The following LRP1 variants were observed in gnomAD, a reference collection of about 807,000 sequenced individuals.
LRP1 encodes the protein prolow-density lipoprotein receptor-related protein 1.
Under a neutral mutation model 541.5 loss-of-function variants are expected in LRP1, and 51 were observed. That is an observed-to-expected ratio of 0.09 (90% CI 0.08 to 0.12). LRP1 has a LOEUF of 0.12. Ranked by LOEUF, LRP1 falls within the 10% of genes least tolerant of loss-of-function variation. The probability of loss-of-function intolerance (pLI) is 1.00; values close to 1 mark genes in which losing one functional copy is unlikely to be tolerated. For synonymous variants in LRP1, 2,219 were observed against 2,470.8 expected, an observed-to-expected ratio of 0.90 and a Z score of 3.02; for missense variants, 3,878 against 6,376.2, an observed-to-expected ratio of 0.61 and a Z score of 13.34.
Position 57,212,209 on chromosome 12 carries a change from CTGA to C in LRP1, c.13448_13450del (p.Asp4483del). 1 of 1,613,962 alleles carries C rather than the reference CTGA, an allele frequency of 6.2e-7. No homozygotes were observed. Among genetic ancestry groups the C allele is most frequent in the Non-Finnish European group, 8.5e-7 (1 of 1,180,018 alleles). On this transcript the variant is annotated inframe_deletion, in exon 88 of 89. Coordinates refer to ENST00000243077, the MANE Select transcript of LRP1 (RefSeq NM_002332.3). This position sits in a 1 kb window ranked among gnomAD's most constrained non-coding sequence, Gnocchi z 5.0. ...TACAAGATGTACGAAGGCGGAGAGC[CTGA>C]TGATGTGGGAGGCCTACTGGACGCT...
Position 57,154,798 on chromosome 12 carries a change from T to A in LRP1, c.1227+97T>A. The A allele has an allele frequency of 8.6e-7, 1 of 1,162,510 alleles. No individual in the cohort carries two copies. Among genetic ancestry groups the A allele is most frequent in the Middle Eastern group, 1.9e-4 (1 of 5,226 alleles). The allele number at this position is 1,162,510 out of a possible 1,614,324, so 72.0% of individuals were successfully genotyped here. A position where few individuals can be genotyped will look rare whatever the true frequency, so the allele number is the denominator to read the frequency against. On this transcript the variant is annotated intron_variant, in intron 8 of 88. Coordinates refer to ENST00000243077, the MANE Select transcript of LRP1 (RefSeq NM_002332.3). This position sits in a 1 kb window ranked among gnomAD's most constrained non-coding sequence, Gnocchi z 4.6. ...CTGTAGGGGAACCGTTCTCTGAGTC[T>A]CCTGGTAAAGAGCGTGGATGCCCCA... is the stretch of plus-strand genomic sequence containing the variant.
rs2035623367 is a variant in LRP1 at position 57,156,510 on chromosome 12, T to C, written c.1417+227T>C. ...TCCAGATCCCACTCTGTCCCTCCCA[T>C]TCCCCTTGCCAGTCTGGAGCAGTAG... On this transcript the variant is annotated intron_variant, in intron 9 of 88. Coordinates refer to ENST00000243077, the MANE Select transcript of LRP1 (RefSeq NM_002332.3). The surrounding 1 kb of genome is among the most constrained non-coding windows in gnomAD (Gnocchi z 5.2). Among the ~76,000 whole-genome samples the C allele has an allele frequency of 6.6e-6, 1 of 152,164 alleles. No homozygotes were observed. Among genetic ancestry groups the C allele is most frequent in the South Asian group, 2.1e-4 (1 of 4,824 alleles).
At chr12:57,163,678 T>C (rs1019154274) in intron 15 of LRP1, among the ~76,000 whole-genome samples, 2 of 152,126 alleles carry the variant, frequency 1.3e-5, no homozygotes, top group African/African-American at 4.8e-5. Context: ...CACCATATAT[T>C]GTTAGCATTG....
Position 57,167,057 on chromosome 12 carries a change from T to G in LRP1, c.2914+11T>G. 1 of 1,608,040 alleles carries G rather than the reference T, an allele frequency of 6.2e-7. No individual in the cohort carries two copies. Among genetic ancestry groups the G allele is most frequent in the African/African-American group, 1.3e-5 (1 of 74,810 alleles). On this transcript the variant is annotated intron_variant, in intron 18 of 88. Coordinates refer to ENST00000243077, the MANE Select transcript of LRP1 (RefSeq NM_002332.3). ...AGTCTGCTTCGTGTGGTAAGAGGGA[T>G]GGGCAGAGGGAGTCAGGCTGGGCCT...
Position 57,154,604 on chromosome 12 carries a change from T to G in LRP1, c.1130T>G (p.Val377Gly), listed in dbSNP as rs2136674614. The G allele has an allele frequency of 6.2e-7, 1 of 1,611,908 alleles. No homozygotes were observed. The highest frequency in any genetic ancestry group is 8.5e-7 in the Non-Finnish European group (1 of 1,178,934). ...VFPHGITLDLVSRLVYWADAY... is the reference protein window; with the variant it reads ...VFPHGITLDLGSRLVYWADAY... The stretch of plus-strand genomic sequence containing the variant: ...CCTCATGGCATCACGCTGGACCTGG[T>G]CAGCCGCCTTGTCTACTGGGCAGAT... The change falls in exon 8 of 89, where the codon GTC becomes GGC. Residue 377 changes from valine (V) to glycine (G), a missense_variant. By Grantham distance (109) the Val-to-Gly change is moderately radical (BLOSUM62 -3). Coordinates refer to ENST00000243077, the MANE Select transcript of LRP1 (RefSeq NM_002332.3). The surrounding 1 kb of genome is among the most constrained non-coding windows in gnomAD (Gnocchi z 4.6).
Position 57,156,062 on chromosome 12 carries a change from T to A in LRP1, c.1228-32T>A. On this transcript the variant is annotated intron_variant, in intron 8 of 88. Coordinates refer to ENST00000243077, the MANE Select transcript of LRP1 (RefSeq NM_002332.3). This position sits in a 1 kb window ranked among gnomAD's most constrained non-coding sequence, Gnocchi z 5.2. Reference sequence around the variant, plus strand: ...GACAGAGGGAGGAACCCCTGTCATCTCATGCTGTCCATTCTTGCCTGCCCG... The same window carrying A: ...GACAGAGGGAGGAACCCCTGTCATCACATGCTGTCCATTCTTGCCTGCCCG... 1 of 1,595,046 alleles carries A rather than the reference T, an allele frequency of 6.3e-7. No homozygotes were observed. The highest frequency in any genetic ancestry group is 2.2e-5 in the East Asian group (1 of 44,646).
chr12:57,201,649 C>T lies in LRP1; in HGVS notation c.10468+30C>T. 2 of 1,604,932 alleles carry T rather than the reference C, an allele frequency of 1.2e-6. No individual in the cohort carries two copies. Among genetic ancestry groups the T allele is most frequent in the Non-Finnish European group, 1.7e-6 (2 of 1,173,308 alleles). On this transcript the variant is annotated intron_variant, in intron 66 of 88. Coordinates refer to ENST00000243077, the MANE Select transcript of LRP1 (RefSeq NM_002332.3). This position sits in a 1 kb window ranked among gnomAD's most constrained non-coding sequence, Gnocchi z 6.4. ...GTTGCCTGGCCTGGAGCCCAGCTTC[C>T]CTCCCCAGTGTCTGCTGCTCACACC...
rs543019291 is a variant in LRP1, at chr12:57,185,559, C to T, written c.6492C>T (p.Gly2164=). 3.0e-5 allele frequency: 48 copies of T among 1,589,154 alleles called. No homozygotes were observed. The highest frequency in any genetic ancestry group is 2.5e-4 in the Admixed American group (15 of 59,278). The change falls in exon 41 of 89, where the codon GGC becomes GGT. Residue 2164 remains glycine, a synonymous_variant. Coordinates refer to ENST00000243077, the MANE Select transcript of LRP1 (RefSeq NM_002332.3). This position sits in a 1 kb window ranked among gnomAD's most constrained non-coding sequence, Gnocchi z 4.9. ...KGTNVCAVAN[G]GCQQLCLYRG... ...CCAACGTGTGCGCGGTGGCCAATGG[C>T]GGGTGCCAGCAGCTGTGCCTGTACC...
At chr12:57,161,586 G>A (rs1274063512) in intron 13 of LRP1, among the ~76,000 whole-genome samples, 1 of 152,030 alleles carries the variant, frequency 6.6e-6, no homozygotes, top group Non-Finnish European at 1.5e-5. Context: ...TATGGCCCCT[G>A]ACCCCCTCTC....
At chr12:57,136,551 G>A (rs1475156840) in intron 1 of LRP1, among the ~76,000 whole-genome samples, 1 of 152,230 alleles carries the variant, frequency 6.6e-6, no homozygotes, top group Non-Finnish European at 1.5e-5. Flanking sequence ...GCCTGGCATA[G>A]AGCTGGCCTT....
At position 57,160,897 on chromosome 12, in the gene LRP1, A is replaced by C. The variant is rs758843303; in HGVS notation, c.1984A>C (p.Met662Leu). The C allele has an allele frequency of 1.2e-6, 2 of 1,613,292 alleles. No individual in the cohort carries two copies. Among genetic ancestry groups the C allele is most frequent in the Non-Finnish European group, 1.7e-6 (2 of 1,179,752 alleles). The change falls in exon 13 of 89, where the codon ATG becomes CTG. Residue 662 changes from methionine to leucine, a missense_variant. By Grantham distance (15) the Met-to-Leu change is conservative (BLOSUM62 2). Around this residue, in one of 13 missense-constraint regions of LRP1, gnomAD observed 496 missense variants for 861.0 expected, o/e 0.58. Coordinates refer to ENST00000243077, the MANE Select transcript of LRP1 (RefSeq NM_002332.3). ...CTGACCAGTCGCTGCCCACAGGTGG[A>C]TGTACTGGACAGACTGGGAGGAGGA... ...AIVVDPLNGW[M>L]YWTDWEEDPK...
Position 57,212,716 on chromosome 12 carries a change from C to T in LRP1, c.*161C>T, listed in dbSNP as rs530153695. 16 of 763,252 alleles carry T rather than the reference C, an allele frequency of 2.1e-5. No homozygotes were observed. Among genetic ancestry groups the T allele is most frequent in the Admixed American group, 3.1e-5 (1 of 32,144 alleles). 47.3% of individuals were successfully genotyped at this position (763,252 alleles called of 1,614,324 possible). A position where few individuals can be genotyped will look rare whatever the true frequency, so the allele number is the denominator to read the frequency against. ...ATATGTGAGCGAGCAAGCCGGCAAG[C>T]GAGCACAGTATTATTTCTCCATCCC... On this transcript the variant is annotated 3_prime_UTR_variant, in exon 89 of 89. Coordinates refer to ENST00000243077, the MANE Select transcript of LRP1 (RefSeq NM_002332.3). This position sits in a 1 kb window ranked among gnomAD's most constrained non-coding sequence, Gnocchi z 5.0.
At chr12:57,192,327 G>A (rs117160748) in intron 44 of LRP1, among the ~76,000 whole-genome samples, 14 of 152,006 alleles carry the variant, frequency 9.2e-5, no homozygotes, top group East Asian at 3.9e-4. Context: ...TCTCCTCCAC[G>A]TTGCACACAC....
At position 57,160,101 on chromosome 12, in the gene LRP1, G is replaced by A; in HGVS notation, c.1979+96G>A. 3.9e-6 allele frequency: 5 copies of A among 1,276,126 alleles called. 1 individual carries two copies. In the South Asian group the frequency reaches 6.7e-5, roughly 17 times the overall value. 79.1% of individuals were successfully genotyped at this position (1,276,126 alleles called of 1,614,324 possible). A position where few individuals can be genotyped will look rare whatever the true frequency, so the allele number is the denominator to read the frequency against. On this transcript the variant is annotated intron_variant, in intron 12 of 88. Coordinates refer to ENST00000243077, the MANE Select transcript of LRP1 (RefSeq NM_002332.3). ...TGGACAGGGAAGCAGGGGAAGGCAG[G>A]TGAGGCGGGATACTTTAGCAGGAAT...
chr12:57,210,395 A>G lies in LRP1; in HGVS notation c.12669A>G (p.Gln4223=). 1 of 1,606,526 alleles carries G rather than the reference A, an allele frequency of 6.2e-7. No homozygotes were observed. The highest frequency in any genetic ancestry group is 1.3e-5 in the African/African-American group (1 of 74,876). Residue 4223 remains glutamine, a synonymous_variant, in exon 82 of 89, where the codon CAA becomes CAG. Coordinates refer to ENST00000243077, the MANE Select transcript of LRP1 (RefSeq NM_002332.3). ...GGAGGCAGCCCAAGTGCCGCTGCCA[A>G]CCCCGCTACACGGGTGACAAGTGTG... ...NARRQPKCRC[Q]PRYTGDKCEL... is the part of the protein sequence containing the mutation.
intron 1 of LRP1, among the ~76,000 whole-genome samples, chr12:57,137,701 C>A (rs1202741828): frequency 1.3e-5 from 2 of 151,682 alleles, no homozygotes; most frequent in East Asian, 3.9e-4. Flanking sequence ...GAGGCCGAGG[C>A]AGGAGAATCG....
In LRP1 at chr12:57,212,062, T is replaced by C. The variant is rs370036166; in HGVS notation, c.13349+45T>C. The C allele has an allele frequency of 9.9e-6, 16 of 1,613,380 alleles. No individual in the cohort carries two copies. The African/African-American group carries it at 1.2e-4, about 12-fold the overall frequency. On this transcript the variant is annotated intron_variant, in intron 87 of 88. Coordinates refer to ENST00000243077, the MANE Select transcript of LRP1 (RefSeq NM_002332.3). This position sits in a 1 kb window ranked among gnomAD's most constrained non-coding sequence, Gnocchi z 5.0. ...GAACATTCTGGTCATTATTTTGCCA[T>C]CCTAGCCTTCCCCCCCAATAATCTC...
intron 3 of LRP1, among the ~76,000 whole-genome samples, chr12:57,142,146 C>T (rs1592604404): frequency 6.6e-6 from 1 of 152,068 alleles, no homozygotes; most frequent in South Asian, 2.1e-4. Flanking sequence ...TACAGTCTTT[C>T]CCCCAAAGGG....
chr12:57,178,622 C>A lies in LRP1; in HGVS notation c.4606+19C>A. The A allele has an allele frequency of 6.2e-7, 1 of 1,613,648 alleles. No individual in the cohort carries two copies. The highest frequency in any genetic ancestry group is 8.5e-7 in the Non-Finnish European group (1 of 1,179,728). On this transcript the variant is annotated intron_variant, in intron 27 of 88. Transcript: ENST00000243077. This position sits in a 1 kb window ranked among gnomAD's most constrained non-coding sequence, Gnocchi z 5.8. The stretch of plus-strand genomic sequence containing the variant: ...CCCATGGGTAAGGGGCTCGGGGCCT[C>A]GAGCAGCCGGAAGGGAGCCAGCAGC...
Sources: gnomAD v4.1 joint callset for allele counts (sites outside exome capture counted in the v4.1 genomes callset) on GRCh38, gnomAD v4.1.1 for gene constraint, gnomAD v4.1.1 regional missense constraint, Gnocchi (gnomAD v3.1) non-coding constraint, MANE v1.5 for transcripts, NCBI Gene and HGNC (gene_info 2026-07-23, HGNC 2026-07-21) for gene names.